Variants in DERL1 observed in about 807,000 individuals in gnomAD.
DERL1 encodes derlin 1, also known as derlin-1.
A neutral mutation model predicts 41.6 loss-of-function variants in DERL1; 24 were observed. That is an observed-to-expected ratio of 0.58 (90% CI 0.42 to 0.81). The LOEUF (loss-of-function observed/expected upper bound fraction) is 0.81. Among genes scored for constraint, DERL1 ranks in the 30% least tolerant of loss-of-function variants. DERL1 has a pLI of 0.00. For synonymous variants in DERL1, 124 were observed against 112.5 expected, an observed-to-expected ratio of 1.10 and a Z score of -0.65; for missense variants, 260 against 314.3, an observed-to-expected ratio of 0.83 and a Z score of 1.31.
intron 3 of DERL1, 144 bp downstream of exon 3, chr8:123,024,841 TA>T: frequency 3.7e-6 from 3 of 814,034 alleles, no homozygotes; most frequent in Non-Finnish European, 5.5e-6. Flanking sequence ...CAGTTTTTTT[TA>T]AAAAACTATA....
Position 123,033,945 on chromosome 8 carries a change from G to A in DERL1, c.154-3229C>T, listed in dbSNP as rs530404560. On this transcript the variant is annotated intron_variant, in intron 1 of 7. Coordinates refer to ENST00000259512, the MANE Select transcript of DERL1 (RefSeq NM_024295.6). ...TGCTGGCTTTTGGTGTGAGAGATAT[G>A]TGTCTATCTCATTGCACACTAGCAT... Among the ~76,000 whole-genome samples, 19 of 152,278 alleles carry A rather than the reference G, an allele frequency of 1.2e-4. No homozygotes were observed. The South Asian group carries it at 3.9e-3, about 32-fold the overall frequency.
chr8:123,039,673 C>G (rs1054304066), intron 1 of DERL1, among the ~76,000 whole-genome samples: 13 of 152,218 alleles, frequency 8.5e-5, no homozygotes, highest in African/African-American at 1.4e-4. Flanking sequence ...AAATATTACA[C>G]CCCTTAAAAC....
chr8:123,018,087 T>C (rs974678765), intron 7 of DERL1: 2 of 152,248 alleles, frequency 1.3e-5, no homozygotes, highest in African/African-American at 4.8e-5. Context: ...AGAGGAGGCC[T>C]GCTCAAGTTT....
intron 7 of DERL1, chr8:123,016,171 G>A (rs1814563611): frequency 6.6e-6 from 1 of 152,156 alleles, no homozygotes; most frequent in Non-Finnish European, 1.5e-5. Flanking sequence ...GATGGTGGGA[G>A]AGCTGGGGCC....
rs2130445233 is a variant in DERL1, at chr8:123,014,385, G to A, written c.*1062C>T. The A allele has an allele frequency of 6.5e-6, 1 of 152,784 alleles. No individual in the cohort carries two copies. The highest frequency in any genetic ancestry group is 2.4e-5 in the African/African-American group (1 of 41,578). The allele number at this position is 152,784 out of a possible 1,614,324, so 9.5% of individuals were successfully genotyped here. On this transcript the variant is annotated 3_prime_UTR_variant, in exon 8 of 8. Transcript: ENST00000259512. Reference sequence around the variant, plus strand: ...AATGATCTACGTGCAGAGAGGAGCTGCGCCTTCCTCACAATTAATTGAAAC... The same window carrying A: ...AATGATCTACGTGCAGAGAGGAGCTACGCCTTCCTCACAATTAATTGAAAC...
intron 5 of DERL1, among the ~76,000 whole-genome samples, chr8:123,022,108 A>T (rs1406133539): frequency 6.6e-6 from 1 of 152,210 alleles, no homozygotes; most frequent in African/African-American, 2.4e-5. Flanking sequence ...TACTCAAATA[A>T]CTTTACAGCT....
chr8:123,015,369 C>A lies in DERL1; in HGVS notation c.*78G>T, dbSNP rs1390727213. Reference sequence around the variant, plus strand: ...TGTGGGTCAGGTCCAACAGTGTTAGCCAGAACGCAGTTGTTAAGTGCACCC... The same window carrying A: ...TGTGGGTCAGGTCCAACAGTGTTAGACAGAACGCAGTTGTTAAGTGCACCC... On this transcript the variant is annotated 3_prime_UTR_variant, in exon 8 of 8. Coordinates refer to ENST00000259512, the MANE Select transcript of DERL1 (RefSeq NM_024295.6). 6.4e-7 allele frequency: 1 copy of A among 1,551,070 alleles called. No homozygotes were observed. Among genetic ancestry groups the A allele is most frequent in the South Asian group, 1.2e-5 (1 of 81,218 alleles).
chr8:123,019,188 C>T lies in DERL1; in HGVS notation c.617+7G>A. On this transcript the variant is annotated splice_region_variant and intron_variant, in intron 7 of 7. Coordinates refer to ENST00000259512, the MANE Select transcript of DERL1 (RefSeq NM_024295.6). ...AATGTTAGATGAGACAGGACAAAAA[C>T]ACTTACAAAAACTGAGGTGTGGATA... The T allele has an allele frequency of 6.3e-7, 1 of 1,578,752 alleles. No individual in the cohort carries two copies. The highest frequency in any genetic ancestry group is 8.7e-7 in the Non-Finnish European group (1 of 1,148,020).
At chr8:123,035,078 A>C (rs986410517) in intron 1 of DERL1, among the ~76,000 whole-genome samples, 2 of 152,204 alleles carry the variant, frequency 1.3e-5, no homozygotes, top group Admixed American at 1.3e-4. Context: ...CCTATAAGTT[A>C]CTCAAGGCCT....
chr8:123,021,336 AT>A, intron 6 of DERL1, 110 bp downstream of exon 6: 10 of 980,686 alleles, frequency 1.0e-5, no homozygotes, highest in Non-Finnish European at 1.6e-5. Context: ...TAGGGTTCTA[AT>A]GCGTCAATGT....
intron 6 of DERL1, among the ~76,000 whole-genome samples, chr8:123,020,599 T>G (rs1814734957): frequency 6.6e-6 from 1 of 151,994 alleles, no homozygotes; most frequent in East Asian, 1.9e-4. Flanking sequence ...GCTATTCCTA[T>G]GTCTAGCTCT....
At chr8:123,017,022 T>C (rs999987373) in intron 7 of DERL1, 1 of 152,132 alleles carries the variant, frequency 6.6e-6, no homozygotes, top group Non-Finnish European at 1.5e-5. Flanking sequence ...GTATTTTTAG[T>C]GGAGCCAGGG....
chr8:123,023,577 C>T (rs2130467996), intron 4 of DERL1, 136 bp downstream of exon 4: 1 of 746,714 alleles, frequency 1.3e-6, no homozygotes, highest in East Asian at 3.2e-5. Flanking sequence ...ATAAATAAAA[C>T]AGCTGTAATT....
chr8:123,017,285 T>TA lies in DERL1; in HGVS notation c.618-1701dup, dbSNP rs1202652375. 12 of 152,190 alleles carry TA rather than the reference T, an allele frequency of 7.9e-5. No individual in the cohort carries two copies. In the East Asian group the frequency reaches 1.7e-3, roughly 22 times the overall value. The allele number at this position is 152,190 out of a possible 1,614,324, so 9.4% of individuals were successfully genotyped here. A position where few individuals can be genotyped will look rare whatever the true frequency, so the allele number is the denominator to read the frequency against. ...ACTCACCTCCTCCATTTTAAACAAA[T>TA]ACAGCTTTACCATTAAATCAAAATG... is the stretch of plus-strand genomic sequence containing the variant. On this transcript the variant is annotated intron_variant, in intron 7 of 7. Coordinates refer to ENST00000259512, the MANE Select transcript of DERL1 (RefSeq NM_024295.6).
intron 7 of DERL1, chr8:123,018,371 A>G (rs1814644041): frequency 6.6e-6 from 1 of 152,158 alleles, no homozygotes; most frequent in Middle Eastern, 3.1e-3. Flanking sequence ...CTCCTCTCAG[A>G]TCGTCAAAAT....
chr8:123,038,581 C>T (rs184479911), intron 1 of DERL1, among the ~76,000 whole-genome samples: 157 of 152,308 alleles, frequency 1.0e-3, no homozygotes, highest in African/African-American at 3.5e-3. Flanking sequence ...CTTATACACC[C>T]GCAGCCTGTT....
intron 1 of DERL1, among the ~76,000 whole-genome samples, chr8:123,034,991 A>C (rs1203200932): frequency 6.6e-6 from 1 of 152,242 alleles, no homozygotes; most frequent in African/African-American, 2.4e-5. Context: ...TGGGTGTGTT[A>C]ATTGTATTAT....
At chr8:123,040,881 G>A (rs745634338) in intron 1 of DERL1, among the ~76,000 whole-genome samples, 5 of 152,214 alleles carry the variant, frequency 3.3e-5, no homozygotes, top group African/African-American at 9.6e-5. Flanking sequence ...TTTTGGACAC[G>A]TTAAGATGAA....
Position 123,014,060 on chromosome 8 carries a change from G to C in DERL1, c.*1387C>G, listed in dbSNP as rs960003269. 9 of 152,136 alleles carry C rather than the reference G, an allele frequency of 5.9e-5. No homozygotes were observed. Among genetic ancestry groups the C allele is most frequent in the African/African-American group, 1.9e-4 (8 of 41,410 alleles). The allele number at this position is 152,136 out of a possible 1,614,324, so 9.4% of individuals were successfully genotyped here. On this transcript the variant is annotated 3_prime_UTR_variant, in exon 8 of 8. Coordinates refer to ENST00000259512, the MANE Select transcript of DERL1 (RefSeq NM_024295.6). The stretch of plus-strand genomic sequence containing the variant: ...CAAAACGTTTGAAGCCTTTTTAGTT[G>C]CCTCAAAGTGTGACAGCCACTCAAT...
Sources: gnomAD v4.1 joint callset for allele counts (sites outside exome capture counted in the v4.1 genomes callset) on GRCh38, gnomAD v4.1.1 for gene constraint, MANE v1.5 for transcripts, NCBI Gene and HGNC (gene_info 2026-07-23, HGNC 2026-07-21) for gene names.